The following ADCY2 variants were observed in gnomAD, a reference collection of about 807,000 sequenced individuals.
ADCY2 encodes the protein adenylate cyclase type 2.
A neutral mutation model predicts 125.2 loss-of-function variants in ADCY2; 31 were observed. That is an observed-to-expected ratio of 0.25 (90% CI 0.19 to 0.33). The LOEUF (loss-of-function observed/expected upper bound fraction) is 0.33. ADCY2 is among the 10% of genes least tolerant of loss of function. The pLI is 1.00. For synonymous variants in ADCY2, 512 were observed against 548.4 expected, an observed-to-expected ratio of 0.93 and a Z score of 0.93; for missense variants, 904 against 1,418.2, an observed-to-expected ratio of 0.64 and a Z score of 5.82.
intron 3 of ADCY2, among the ~76,000 whole-genome samples, chr5:7,522,969 C>T (rs1375166859): frequency 1.3e-5 from 2 of 151,898 alleles, no homozygotes; most frequent in African/African-American, 4.8e-5. Context: ...AAACAATTTG[C>T]TCAGCCACTG....
intron 2 of ADCY2, among the ~76,000 whole-genome samples, chr5:7,423,127 A>G (rs984521991): frequency 1.3e-5 from 2 of 152,222 alleles, no homozygotes; most frequent in Non-Finnish European, 2.9e-5. Flanking sequence ...TCCATTAACA[A>G]TAAAGAGGAG....
intron 4 of ADCY2, among the ~76,000 whole-genome samples, chr5:7,638,949 T>C (rs1738599937): frequency 6.6e-6 from 1 of 152,090 alleles, no homozygotes; most frequent in African/African-American, 2.4e-5. Context: ...ATAAGTCTTA[T>C]GAGATCTGAT....
At chr5:7,632,917 A>C (rs938960504) in intron 4 of ADCY2, among the ~76,000 whole-genome samples, 2 of 152,166 alleles carry the variant, frequency 1.3e-5, no homozygotes, top group African/African-American at 4.8e-5. Context: ...GATCACCACA[A>C]ATTTGCGAAG....
At chr5:7,718,585 G>A (rs1365527171) in intron 12 of ADCY2, among the ~76,000 whole-genome samples, 1 of 152,126 alleles carries the variant, frequency 6.6e-6, no homozygotes, top group African/African-American at 2.4e-5. Flanking sequence ...AAGCAATAAA[G>A]CATCTTGGTC....
intron 3 of ADCY2, among the ~76,000 whole-genome samples, chr5:7,556,683 T>G (rs1299938866): frequency 6.6e-6 from 1 of 152,138 alleles, no homozygotes; most frequent in African/African-American, 2.4e-5. Flanking sequence ...CGGCATCAGG[T>G]GGGCAGCAGG....
chr5:7,670,389 G>C (rs141319203), intron 4 of ADCY2, among the ~76,000 whole-genome samples: 1 of 152,192 alleles, frequency 6.6e-6, no homozygotes, highest in Non-Finnish European at 1.5e-5. Context: ...AGTAGGTATT[G>C]TGTGTAAAAT....
chr5:7,640,631 C>T (rs1738667152), intron 4 of ADCY2, among the ~76,000 whole-genome samples: 1 of 151,880 alleles, frequency 6.6e-6, no homozygotes, highest in South Asian at 2.1e-4. Flanking sequence ...TGTAAATTAG[C>T]ATTTATGACT....
intron 2 of ADCY2, among the ~76,000 whole-genome samples, chr5:7,448,982 G>A (rs112975856): frequency 0.019 from 2,911 of 152,148 alleles, 82 homozygotes; most frequent in African/African-American, 0.064. Context: ...TATTCCTTTG[G>A]GGTATATACC....
intron 2 of ADCY2, among the ~76,000 whole-genome samples, chr5:7,512,128 G>A (rs1208875863): frequency 4.1e-5 from 6 of 146,012 alleles, no homozygotes; most frequent in Non-Finnish European, 7.5e-5. Flanking sequence ...AGCTGAGGCA[G>A]GAGAATCATT....
At chr5:7,667,829 G>C (rs1739809667) in intron 4 of ADCY2, among the ~76,000 whole-genome samples, 1 of 152,198 alleles carries the variant, frequency 6.6e-6, no homozygotes, top group African/African-American at 2.4e-5. Flanking sequence ...TGATGGTGTA[G>C]ACATGGGGTC....
At chr5:7,442,852 G>A (rs994092897) in intron 2 of ADCY2, among the ~76,000 whole-genome samples, 7 of 152,176 alleles carry the variant, frequency 4.6e-5, no homozygotes, top group South Asian at 2.1e-4. Flanking sequence ...TTTTCTGGGG[G>A]GAGTTGCTTT....
intron 1 of ADCY2, among the ~76,000 whole-genome samples, chr5:7,411,545 C>T (rs963790137): frequency 1.2e-4 from 18 of 152,134 alleles, no homozygotes; most frequent in African/African-American, 3.9e-4. Flanking sequence ...GAAATTTAAA[C>T]ATTTTTGCAG....
At chr5:7,696,893 G>A (rs1451841235) in intron 6 of ADCY2, among the ~76,000 whole-genome samples, 1 of 152,188 alleles carries the variant, frequency 6.6e-6, no homozygotes, top group East Asian at 1.9e-4. Context: ...GCCAAAGGAA[G>A]GGGGTGAGTT....
At chr5:7,813,410 T>C (rs1745003523) in intron 22 of ADCY2, among the ~76,000 whole-genome samples, 1 of 152,220 alleles carries the variant, frequency 6.6e-6, no homozygotes, top group Admixed American at 6.5e-5. Flanking sequence ...TTGGTAAACA[T>C]GCATCTACTT....
intron 3 of ADCY2, among the ~76,000 whole-genome samples, chr5:7,579,984 G>A (rs62342980): frequency 0.058 from 8,888 of 152,296 alleles, 315 homozygotes; most frequent in Middle Eastern, 0.11. Flanking sequence ...GCAGGTGGAG[G>A]CCATGATCCT....
chr5:7,430,537 A>C (rs568332371), intron 2 of ADCY2, among the ~76,000 whole-genome samples: 64 of 146,058 alleles, frequency 4.4e-4, no homozygotes, highest in African/African-American at 1.5e-3. Flanking sequence ...TATATATACT[A>C]TATATATATA....
chr5:7,492,755 GA>G (rs1743208734), intron 2 of ADCY2, among the ~76,000 whole-genome samples: 1 of 152,126 alleles, frequency 6.6e-6, no homozygotes, highest in Non-Finnish European at 1.5e-5. Context: ...GTGGCTTGCA[GA>G]GTCCAGTTTG....
chr5:7,456,827 G>A (rs555017113), intron 2 of ADCY2, among the ~76,000 whole-genome samples: 24 of 152,166 alleles, frequency 1.6e-4, no homozygotes, highest in South Asian at 6.2e-4. Flanking sequence ...ATAGGACTTC[G>A]TACTCTAATA....
Position 7,802,419 on chromosome 5 carries a change from T to A in ADCY2, c.2775+55T>A, listed in dbSNP as rs1744625305. The A allele has an allele frequency of 6.3e-7, 1 of 1,579,930 alleles. No homozygotes were observed. Among genetic ancestry groups the A allele is most frequent in the African/African-American group, 1.4e-5 (1 of 73,750 alleles). ...AGCAGTACACTCAGTCTCACACCTG[T>A]GCACTTGAAGTTACTTCAGGATAGT... is the stretch of plus-strand genomic sequence containing the variant. On this transcript the variant is annotated intron_variant, in intron 21 of 24. Coordinates refer to ENST00000338316, the MANE Select transcript of ADCY2 (RefSeq NM_020546.3). This position sits in a 1 kb window ranked among gnomAD's most constrained non-coding sequence, Gnocchi z 4.6.
Sources: gnomAD v4.1 joint callset for allele counts (sites outside exome capture counted in the v4.1 genomes callset) on GRCh38, gnomAD v4.1.1 for gene constraint, Gnocchi (gnomAD v3.1) non-coding constraint, MANE v1.5 for transcripts, NCBI Gene and HGNC (gene_info 2026-07-23, HGNC 2026-07-21) for gene names.